The following COP1 variants were observed in gnomAD, a reference collection of about 807,000 sequenced individuals.
The protein encoded by COP1 is E3 ubiquitin-protein ligase COP1.
In COP1, 24 loss-of-function variants were observed where a neutral mutation model predicts 101.3. The observed-to-expected ratio is 0.24, with a 90% CI of 0.17 to 0.33. The LOEUF (loss-of-function observed/expected upper bound fraction) is 0.33, where lower values mean the gene tolerates loss of function less well. COP1 is among the 10% of genes least tolerant of loss of function. The pLI, the probability that COP1 is intolerant of heterozygous loss-of-function variation, is 1.00. For missense variants in COP1, 663 were observed against 906.2 expected, an observed-to-expected ratio of 0.73 and a Z score of 3.45; for synonymous variants, 347 against 341.9, an observed-to-expected ratio of 1.01 and a Z score of -0.17.
At chr1:176,199,864 T>C (rs1700096572) in intron 1 of COP1, among the ~76,000 whole-genome samples, 1 of 152,240 alleles carries the variant, frequency 6.6e-6, no homozygotes, top group Non-Finnish European at 1.5e-5. Context: ...GGTGTATTCA[T>C]GTGTCAAAAC....
At chr1:176,113,445 C>T (rs1169115368) in intron 9 of COP1, among the ~76,000 whole-genome samples, 1 of 151,934 alleles carries the variant, frequency 6.6e-6, no homozygotes, top group Non-Finnish European at 1.5e-5. Flanking sequence ...GTTATTAATC[C>T]CTTGTCGGAT....
intron 9 of COP1, among the ~76,000 whole-genome samples, chr1:176,092,959 C>G (rs1209643357): frequency 6.6e-6 from 1 of 152,132 alleles, no homozygotes; most frequent in East Asian, 1.9e-4. Flanking sequence ...TATACAGATT[C>G]AACTGAAAAA....
At chr1:176,092,143 A>T (rs1681445302) in intron 9 of COP1, among the ~76,000 whole-genome samples, 1 of 152,142 alleles carries the variant, frequency 6.6e-6, no homozygotes, top group Non-Finnish European at 1.5e-5. Flanking sequence ...AAGTCAACTG[A>T]GTTATGCAAC....
intron 15 of COP1, among the ~76,000 whole-genome samples, chr1:176,001,345 T>C (rs1488390734): frequency 1.3e-5 from 2 of 152,126 alleles, no homozygotes; most frequent in Admixed American, 6.6e-5. Flanking sequence ...AAGAATGCTA[T>C]GTTTTCTAAG....
chr1:176,009,120 T>C (rs894445620), intron 15 of COP1, among the ~76,000 whole-genome samples: 12 of 152,206 alleles, frequency 7.9e-5, no homozygotes, highest in Admixed American at 2.0e-4. Flanking sequence ...TCAGAGCTTC[T>C]TGACCCCCAC....
intron 15 of COP1, among the ~76,000 whole-genome samples, chr1:176,004,813 CTT>C (rs1200699325): frequency 1.3e-5 from 2 of 151,062 alleles, no homozygotes; most frequent in African/African-American, 4.9e-5. Flanking sequence ...CTAAAATTCT[CTT>C]TTTTGGTTGT....
At chr1:175,955,178 G>A (rs1168675720) in intron 18 of COP1, among the ~76,000 whole-genome samples, 1 of 152,070 alleles carries the variant, frequency 6.6e-6, no homozygotes, top group Non-Finnish European at 1.5e-5. Flanking sequence ...GCCTGGGAAG[G>A]CTGTAGTGAG....
intron 3 of COP1, among the ~76,000 whole-genome samples, chr1:176,172,883 A>G (rs1293477040): frequency 6.6e-6 from 1 of 152,236 alleles, no homozygotes; most frequent in African/African-American, 2.4e-5. Flanking sequence ...AACAAAGGAC[A>G]TGGCTAGAAG....
At chr1:176,032,623 T>C (rs1334201545) in intron 14 of COP1, among the ~76,000 whole-genome samples, 1 of 152,124 alleles carries the variant, frequency 6.6e-6, no homozygotes, top group Non-Finnish European at 1.5e-5. Flanking sequence ...ACTTTTGGCA[T>C]AAGGCTTCAG....
At chr1:176,010,737 A>G (rs575859321) in intron 15 of COP1, among the ~76,000 whole-genome samples, 2 of 152,310 alleles carry the variant, frequency 1.3e-5, no homozygotes, top group East Asian at 3.9e-4. Context: ...TGCTATCTCC[A>G]CAGCCATTAA....
intron 15 of COP1, among the ~76,000 whole-genome samples, chr1:175,990,100 T>C (rs1436760743): frequency 6.6e-6 from 1 of 152,070 alleles, no homozygotes; most frequent in Non-Finnish European, 1.5e-5. Flanking sequence ...CACAATTCTC[T>C]ATCAACACTG....
chr1:176,028,394 G>A (rs1269410400), intron 14 of COP1, among the ~76,000 whole-genome samples: 3 of 151,428 alleles, frequency 2.0e-5, no homozygotes, highest in African/African-American at 7.3e-5. Flanking sequence ...GTGAAACCCT[G>A]CCTCTACTAA....
At chr1:176,003,945 AT>A (rs1662434605) in intron 15 of COP1, among the ~76,000 whole-genome samples, 1 of 151,952 alleles carries the variant, frequency 6.6e-6, no homozygotes, top group African/African-American at 2.4e-5. Context: ...CCTGGGCAGT[AT>A]GGCCATTTTC....
At chr1:176,102,046 TC>T (rs1257397431) in intron 9 of COP1, among the ~76,000 whole-genome samples, 1 of 152,036 alleles carries the variant, frequency 6.6e-6, no homozygotes, top group African/African-American at 2.4e-5. Context: ...AGACTGCCCA[TC>T]CTGGATGAAG....
chr1:176,002,058 G>A (rs1661746927), intron 15 of COP1, among the ~76,000 whole-genome samples: 1 of 152,144 alleles, frequency 6.6e-6, no homozygotes, highest in Non-Finnish European at 1.5e-5. Flanking sequence ...GTTTCAATAT[G>A]ATGAGTTTAG....
At chr1:176,059,041 C>G (rs746852108) in intron 11 of COP1, among the ~76,000 whole-genome samples, 1 of 152,198 alleles carries the variant, frequency 6.6e-6, no homozygotes, top group Non-Finnish European at 1.5e-5. Context: ...CCAGCACTGC[C>G]CTCTAACTTC....
chr1:176,039,901 A>G (rs2149153750), intron 14 of COP1, among the ~76,000 whole-genome samples: 1 of 152,328 alleles, frequency 6.6e-6, no homozygotes, highest in East Asian at 1.9e-4. Context: ...ATATTACAAA[A>G]ATTAACTCAA....
rs1250056402 is a variant in COP1, at chr1:176,002,745, C to T, written c.1730-13266G>A. 4.7e-5 allele frequency among the ~76,000 whole-genome samples: 7 copies of T among 148,096 alleles called. No individual in the cohort carries two copies. In the South Asian group the frequency reaches 1.5e-3, roughly 32 times the overall value. On this transcript the variant is annotated intron_variant, in intron 15 of 19. Coordinates refer to ENST00000367669, the MANE Select transcript of COP1 (RefSeq NM_022457.7). ...TGTATATGTGCCACATTTTCTTAAT[C>T]CAGTCTATCATTGTTGGACATTTGG...
chr1:176,065,928 AAAACTCCTGACCTGGTGACCTC>A (rs1168045551), intron 11 of COP1, among the ~76,000 whole-genome samples: 1 of 151,942 alleles, frequency 6.6e-6, no homozygotes, highest in Admixed American at 6.6e-5. Flanking sequence ...GGCCGATCTC[AAAACTCCTGACCTGGTGACCTC>A]AAACTCCTGA....
Sources: gnomAD v4.1 joint callset for allele counts (sites outside exome capture counted in the v4.1 genomes callset) on GRCh38, gnomAD v4.1.1 for gene constraint, MANE v1.5 for transcripts, NCBI Gene and HGNC (gene_info 2026-07-23, HGNC 2026-07-21) for gene names.